Variants in MAP1B observed in about 807,000 individuals in gnomAD.
MAP1B encodes microtubule associated protein 1B.
Under a neutral mutation model 176.1 loss-of-function variants are expected in MAP1B, and 12 were observed. The ratio of observed to expected loss-of-function variants is 0.07; its 90% CI spans 0.04 to 0.11. The LOEUF is 0.11. Among genes scored for constraint, MAP1B ranks in the 10% least tolerant of loss-of-function variants. The pLI, the probability that MAP1B is intolerant of heterozygous loss-of-function variation, is 1.00. For missense variants in MAP1B, 2,523 were observed against 2,990.5 expected, an observed-to-expected ratio of 0.84 and a Z score of 3.65; for synonymous variants, 1,044 against 1,135.0, an observed-to-expected ratio of 0.92 and a Z score of 1.61.
At chr5:72,115,037 C>T (rs1265816520) in intron 1 of MAP1B, among the ~76,000 whole-genome samples, 2 of 152,156 alleles carry the variant, frequency 1.3e-5, no homozygotes, top group Non-Finnish European at 2.9e-5. Flanking sequence ...GCCTGCCAAG[C>T]TACTCAGGTA....
chr5:72,134,017 G>A (rs770302399), intron 2 of MAP1B, among the ~76,000 whole-genome samples: 4 of 152,048 alleles, frequency 2.6e-5, no homozygotes, highest in African/African-American at 7.2e-5. Context: ...TCCAGCTTCC[G>A]CCAAAAGTGT....
chr5:72,161,637 G>A (rs903798320), intron 2 of MAP1B, among the ~76,000 whole-genome samples: 6 of 152,056 alleles, frequency 3.9e-5, no homozygotes, highest in African/African-American at 1.4e-4. Context: ...TCTGCTGATG[G>A]TGTGCTGAAA....
In MAP1B at chr5:72,199,443, A is replaced by G. The variant is rs1181850698; in HGVS notation, c.6088A>G (p.Lys2030Glu). Reference protein sequence around the residue: ...SEGYSYETSTKTTRTPDTSTY... With the variant: ...SEGYSYETSTETTRTPDTSTY... ...AGGTTATTCCTATGAGACATCTACAAAGACAACACGAACCCCTGATACTTC... is the reference window on the plus strand; with the variant it reads ...AGGTTATTCCTATGAGACATCTACAGAGACAACACGAACCCCTGATACTTC... Residue 2030 changes from lysine (K) to glutamate (E), a missense_variant, in exon 5 of 7, where the codon AAG becomes GAG. This residue lies in a region of MAP1B where 1,925 missense variants were observed against 2,126.0 expected (regional missense o/e 0.91). Transcript: ENST00000296755. The surrounding 1 kb of genome is among the most constrained non-coding windows in gnomAD (Gnocchi z 4.2). 6.2e-7 allele frequency: 1 copy of G among 1,614,050 alleles called. No homozygotes were observed. Among genetic ancestry groups the G allele is most frequent in the Non-Finnish European group, 8.5e-7 (1 of 1,180,038 alleles).
At chr5:72,142,321 C>T (rs1474542377) in intron 2 of MAP1B, among the ~76,000 whole-genome samples, 1 of 152,172 alleles carries the variant, frequency 6.6e-6, no homozygotes, top group Non-Finnish European at 1.5e-5. Context: ...GCTATGGGAT[C>T]TGCTCTGCCT....
chr5:72,198,068 T>A lies in MAP1B; in HGVS notation c.4713T>A (p.Ser1571=), dbSNP rs1449414235. 1 of 1,614,188 alleles carries A rather than the reference T, an allele frequency of 6.2e-7. No individual in the cohort carries two copies. Among genetic ancestry groups the A allele is most frequent in the Non-Finnish European group, 8.5e-7 (1 of 1,180,030 alleles). The part of the protein sequence containing the change: ...SFPEPTTDDV[S]PSLHAEVGSP... ...CAGAGCCAACAACAGATGATGTGTC[T>A]CCATCTCTGCATGCTGAGGTTGGCT... The change falls in exon 5 of 7, where the codon TCT becomes TCA. Residue 1571 remains serine, a synonymous_variant. Coordinates refer to ENST00000296755, the MANE Select transcript of MAP1B (RefSeq NM_005909.5).
intron 2 of MAP1B, among the ~76,000 whole-genome samples, chr5:72,172,415 G>A (rs1012330787): frequency 6.6e-6 from 1 of 152,162 alleles, no homozygotes; most frequent in Non-Finnish European, 1.5e-5. Flanking sequence ...TCGGCCATTT[G>A]CATTTTTTCT....
At position 72,197,706 on chromosome 5, in the gene MAP1B, A is replaced by C. The variant is rs754153893; in HGVS notation, c.4351A>C (p.Thr1451Pro). ...AAGTCCAGTTTCTGAAATGACTTCT[A>C]CTAGTCTTTACCAAGACAAACAGGA... ...QVSPVSEMTS[T>P]SLYQDKQEGK... The change falls in exon 5 of 7, where the codon ACT becomes CCT. Residue 1451 changes from threonine (T) to proline (P), a missense_variant. Physicochemically the swap from Thr to Pro is conservative, Grantham distance 38. Transcript: ENST00000296755. The C allele has an allele frequency of 3.1e-6, 5 of 1,614,008 alleles. No homozygotes were observed. In the Admixed American group the frequency reaches 8.3e-5, roughly 27 times the overall value.
chr5:72,198,793 C>T lies in MAP1B; in HGVS notation c.5438C>T (p.Thr1813Ile). The T allele has an allele frequency of 6.2e-7, 1 of 1,614,232 alleles. No homozygotes were observed. The highest frequency in any genetic ancestry group is 8.5e-7 in the Non-Finnish European group (1 of 1,180,042). ...STSAVKEKTATCHSSSSPPID... is the reference protein window; with the variant it reads ...STSAVKEKTAICHSSSSPPID... The stretch of plus-strand genomic sequence containing the variant: ...TCTGCAGTCAAAGAGAAAACAGCAA[C>T]TTGCCACAGTTCCTCTTCTCCACCA... Residue 1813 changes from threonine to isoleucine, a missense_variant, in exon 5 of 7, where the codon ACT becomes ATT. Thr to Ile is a moderately conservative substitution (Grantham distance 89, BLOSUM62 -1). This residue lies in a region of MAP1B where 1,925 missense variants were observed against 2,126.0 expected (regional missense o/e 0.91). Coordinates refer to ENST00000296755, the MANE Select transcript of MAP1B (RefSeq NM_005909.5).
At chr5:72,163,227 C>CAAAAAAAAAAAAAAAAA (rs10608907) in intron 2 of MAP1B, among the ~76,000 whole-genome samples, 5 of 78,146 alleles carry the variant, frequency 6.4e-5, no homozygotes, top group Non-Finnish European at 7.3e-5. Flanking sequence ...GACTCCATCT[C>CAAAAAAAAAAAAAAAAA]AAAAAAAAAA....
intron 2 of MAP1B, among the ~76,000 whole-genome samples, chr5:72,143,984 GCGTGTTCTC>G (rs1208781931): frequency 1.3e-5 from 2 of 152,088 alleles, no homozygotes; most frequent in African/African-American, 2.4e-5. Flanking sequence ...GTGTCACGTG[GCGTGTTCTC>G]CCTGTTTGTC....
At chr5:72,115,850 G>A in intron 2 of MAP1B, 51 bp downstream of exon 2, 1 of 1,314,384 alleles carries the variant, frequency 7.6e-7, no homozygotes, top group Non-Finnish European at 1.1e-6. Flanking sequence ...AGGACAAGGA[G>A]CAAGCTAGAA....
chr5:72,180,032 C>A (rs1746733669), intron 2 of MAP1B: 3 of 617,302 alleles, frequency 4.9e-6, no homozygotes, highest in Admixed American at 1.3e-4. Context: ...GGCGAGCTCA[C>A]TGTGTGTTTG....
rs1253872082 is a variant in MAP1B, at chr5:72,199,374, T to C, written c.6019T>C (p.Ser2007Pro). The C allele has an allele frequency of 3.1e-6, 5 of 1,613,994 alleles. No homozygotes were observed. Among genetic ancestry groups the C allele is most frequent in the Non-Finnish European group, 4.2e-6 (5 of 1,180,026 alleles). The stretch of plus-strand genomic sequence containing the variant: ...CCACACACTTGGGGACCCCAGCTAC[T>C]CTTATGAAACCACTGAGAAAATTAC... ...GGHTLGDPSY[S>P]YETTEKITSF... Residue 2007 changes from serine (S) to proline (P), a missense_variant, in exon 5 of 7, where the codon TCT (serine) becomes CCT (proline). Physicochemically the swap from Ser to Pro is moderately conservative, Grantham distance 74. Around this residue, in one of 4 missense-constraint regions of MAP1B, gnomAD observed 1,925 missense variants for 2,126.0 expected, o/e 0.91. Transcript: ENST00000296755. This position sits in a 1 kb window ranked among gnomAD's most constrained non-coding sequence, Gnocchi z 4.2.
intron 2 of MAP1B, among the ~76,000 whole-genome samples, chr5:72,162,274 A>G (rs1746342199): frequency 6.6e-6 from 1 of 152,196 alleles, no homozygotes; most frequent in African/African-American, 2.4e-5. Context: ...AAATATTTTT[A>G]TCCTGTAAAA....
At chr5:72,146,468 G>A (rs1048590165) in intron 2 of MAP1B, among the ~76,000 whole-genome samples, 1 of 152,186 alleles carries the variant, frequency 6.6e-6, no homozygotes, top group Non-Finnish European at 1.5e-5. Flanking sequence ...AACAATAATC[G>A]TAGATAACGT....
At chr5:72,200,512 C>T (rs1271557699) in intron 5 of MAP1B, 145 bp downstream of exon 5, 3 of 1,058,480 alleles carry the variant, frequency 2.8e-6, no homozygotes, top group Non-Finnish European at 4.1e-6. Context: ...TTCTCCTCTG[C>T]CCAAAGGTAT....
chr5:72,112,663 A>G (rs1365562426), intron 1 of MAP1B, among the ~76,000 whole-genome samples: 1 of 152,194 alleles, frequency 6.6e-6, no homozygotes, highest in East Asian at 1.9e-4. Flanking sequence ...GGGCTGGGCA[A>G]TAGCCACAGA....
At position 72,196,907 on chromosome 5, in the gene MAP1B, C is replaced by T. The variant is rs7716079; in HGVS notation, c.3552C>T (p.Asn1184=). Residue 1184 remains asparagine (N), a synonymous_variant, in exon 5 of 7, where the codon AAC becomes AAT. Transcript: ENST00000296755. The surrounding 1 kb of genome is among the most constrained non-coding windows in gnomAD (Gnocchi z 5.3). ...AACCTGCTGATGTTACACCGCTCAA[C>T]GGATTTTCTGAAGGATCAAAAACAG... ...YSKPADVTPL[N]GFSEGSKTDA... 0.085 allele frequency: 137,316 copies of T among 1,614,012 alleles called. 6,211 individuals are homozygous for T. Among genetic ancestry groups the T allele is most frequent in the Middle Eastern group, 0.12 (731 of 6,062 alleles).
intron 2 of MAP1B, among the ~76,000 whole-genome samples, chr5:72,157,921 C>G (rs1746254157): frequency 1.3e-5 from 2 of 151,976 alleles, no homozygotes; most frequent in African/African-American, 4.8e-5. Flanking sequence ...CTCACTGCAA[C>G]CTCAGCCTCC....
Sources: gnomAD v4.1 joint callset for allele counts (sites outside exome capture counted in the v4.1 genomes callset) on GRCh38, gnomAD v4.1.1 for gene constraint, gnomAD v4.1.1 regional missense constraint, Gnocchi (gnomAD v3.1) non-coding constraint, MANE v1.5 for transcripts, NCBI Gene and HGNC (gene_info 2026-07-23, HGNC 2026-07-21) for gene names.